Variants in CSGALNACT1 observed in about 807,000 individuals in gnomAD.
CSGALNACT1 encodes beta4GalNAcT-1.
A neutral mutation model predicts 51.0 loss-of-function variants in CSGALNACT1; 52 were observed. The ratio of observed to expected loss-of-function variants is 1.02; its 90% confidence interval spans 0.82 to 1.29. The LOEUF (loss-of-function observed/expected upper bound fraction) is 1.29. Among genes scored for constraint, CSGALNACT1 ranks in the 50% most tolerant of loss-of-function variants. The pLI is 0.00. For synonymous variants in CSGALNACT1, 341 were observed against 254.4 expected (o/e 1.34, Z -3.24); for missense variants, 935 against 679.2 (o/e 1.38, Z -4.19).
chr8:19,608,580 G>C (rs1019012552), intron 1 of CSGALNACT1, among the ~76,000 whole-genome samples: 1 of 152,222 alleles, frequency 6.6e-6, no homozygotes, highest in Non-Finnish European at 1.5e-5. Flanking sequence ...TACTGGCTCA[G>C]TTTTTAAAAT....
chr8:19,545,443 C>G (rs1378851652), intron 3 of CSGALNACT1, among the ~76,000 whole-genome samples: 1 of 152,126 alleles, frequency 6.6e-6, no homozygotes, highest in African/African-American at 2.4e-5. Flanking sequence ...TAACTTTTGT[C>G]TTTGATAATA....
At chr8:19,484,856 G>C (rs2072457275) in intron 4 of CSGALNACT1, among the ~76,000 whole-genome samples, 1 of 152,084 alleles carries the variant, frequency 6.6e-6, no homozygotes, top group African/African-American at 2.4e-5. Flanking sequence ...AGGACATTTG[G>C]ACACACAGGA....
intron 1 of CSGALNACT1, among the ~76,000 whole-genome samples, chr8:19,646,944 C>G (rs567011167): frequency 6.6e-6 from 1 of 150,886 alleles, no homozygotes; most frequent in African/African-American, 2.4e-5. Flanking sequence ...TTTTGGTGCT[C>G]AGCTCTACAC....
chr8:19,524,225 T>G (rs761121079), intron 3 of CSGALNACT1, among the ~76,000 whole-genome samples: 1 of 152,034 alleles, frequency 6.6e-6, no homozygotes, highest in East Asian at 1.9e-4. Context: ...AGGAGTTCAA[T>G]GCTACAGCAA....
intron 1 of CSGALNACT1, among the ~76,000 whole-genome samples, chr8:19,714,526 G>T (rs556363313): frequency 6.6e-6 from 1 of 152,054 alleles, no homozygotes; most frequent in African/African-American, 2.4e-5. Flanking sequence ...TTACCCCAGA[G>T]CTCTGAGGCG....
intron 3 of CSGALNACT1, among the ~76,000 whole-genome samples, chr8:19,507,261 A>G (rs1388869517): frequency 6.6e-6 from 1 of 152,174 alleles, no homozygotes; most frequent in Non-Finnish European, 1.5e-5. Flanking sequence ...AATCCCAGTT[A>G]TATCTCTGCT....
intron 1 of CSGALNACT1, among the ~76,000 whole-genome samples, chr8:19,756,616 C>A (rs2065395750): frequency 6.6e-6 from 1 of 151,628 alleles, no homozygotes; most frequent in African/African-American, 2.4e-5. Context: ...ACAGCTTCTG[C>A]CCACCGATCG....
intron 5 of CSGALNACT1, among the ~76,000 whole-genome samples, chr8:19,450,196 G>A (rs1163774037): frequency 8.5e-4 from 63 of 73,810 alleles, no homozygotes; most frequent in Non-Finnish European, 1.6e-3. Flanking sequence ...GGGAGAGGGG[G>A]AGGGGAGAAA....
chr8:19,697,408 A>C (rs575517679), intron 1 of CSGALNACT1, among the ~76,000 whole-genome samples: 1 of 152,152 alleles, frequency 6.6e-6, no homozygotes, highest in Non-Finnish European at 1.5e-5. Context: ...CAGGCAGAAG[A>C]ACAGTACGGG....
chr8:19,500,511 A>G (rs1480479317), intron 4 of CSGALNACT1, among the ~76,000 whole-genome samples: 1 of 152,170 alleles, frequency 6.6e-6, no homozygotes, highest in Non-Finnish European at 1.5e-5. Flanking sequence ...CCTGTCCGCT[A>G]ACATCCCCAG....
chr8:19,700,127 A>G lies in CSGALNACT1; in HGVS notation c.-297+57723T>C, dbSNP rs77588520. ...ACTCCGTCTCAAAAAAAAAAAAAAG[A>G]AAAAAAAAAACTTAGGTAAGTATTA... On this transcript the variant is annotated intron_variant, in intron 1 of 1. Coordinates refer to the CSGALNACT1 transcript ENST00000517494. Among the ~76,000 whole-genome samples, 87 of 11,752 alleles carry G rather than the reference A, an allele frequency of 7.4e-3. No individual in the cohort carries two copies. In the East Asian group the frequency reaches 0.13, roughly 18 times the overall value. 7.7% of individuals were successfully genotyped at this position (11,752 alleles called of 152,430 possible). A position where few individuals can be genotyped will look rare whatever the true frequency, so the allele number is the denominator to read the frequency against.
intron 3 of CSGALNACT1, among the ~76,000 whole-genome samples, chr8:19,507,009 C>G (rs974386129): frequency 2.0e-5 from 3 of 152,214 alleles, no homozygotes; most frequent in African/African-American, 7.2e-5. Flanking sequence ...TCACTTAGAG[C>G]AGGCCTGAAA....
At chr8:19,561,457 T>C (rs2040698895) in intron 3 of CSGALNACT1, among the ~76,000 whole-genome samples, 3 of 152,308 alleles carry the variant, frequency 2.0e-5, no homozygotes, top group South Asian at 4.1e-4. Context: ...TTGTTTCCTA[T>C]GTATGAGTCC....
At chr8:19,629,891 G>A (rs1021008635) in intron 1 of CSGALNACT1, among the ~76,000 whole-genome samples, 6 of 152,160 alleles carry the variant, frequency 3.9e-5, no homozygotes, top group South Asian at 2.1e-4. Context: ...GAGTAAGCAC[G>A]TGAGTCTCAT....
At chr8:19,415,961 G>A (rs1055342314) in intron 8 of CSGALNACT1, among the ~76,000 whole-genome samples, 2 of 152,092 alleles carry the variant, frequency 1.3e-5, no homozygotes, top group African/African-American at 4.8e-5. Context: ...AAAAGGTACA[G>A]GAAAAATCTG....
chr8:19,640,023 C>A (rs575092730), intron 1 of CSGALNACT1, among the ~76,000 whole-genome samples: 2 of 152,108 alleles, frequency 1.3e-5, no homozygotes, highest in East Asian at 3.9e-4. Flanking sequence ...GCTGGGACTA[C>A]AGGCGCACCA....
chr8:19,463,468 AT>A (rs965508165), intron 4 of CSGALNACT1, among the ~76,000 whole-genome samples: 44 of 152,152 alleles, frequency 2.9e-4, no homozygotes, highest in Non-Finnish European at 6.3e-4. Flanking sequence ...GGAGCTCTTT[AT>A]TGGTGGAAAC....
chr8:19,616,698 C>T (rs765701721), intron 1 of CSGALNACT1, among the ~76,000 whole-genome samples: 2 of 152,140 alleles, frequency 1.3e-5, no homozygotes, highest in East Asian at 1.9e-4. Flanking sequence ...CTCTCTCTCT[C>T]GCTTCTACTC....
At chr8:19,552,106 A>T (rs1245156508) in intron 3 of CSGALNACT1, among the ~76,000 whole-genome samples, 1 of 152,332 alleles carries the variant, frequency 6.6e-6, no homozygotes, top group East Asian at 1.9e-4. Flanking sequence ...TAGTAATTAG[A>T]GGATTTGGAA....
Sources: gnomAD v4.1 joint callset for allele counts (sites outside exome capture counted in the v4.1 genomes callset) on GRCh38, gnomAD v4.1.1 for gene constraint, MANE v1.5 for transcripts, NCBI Gene and HGNC (gene_info 2026-07-23, HGNC 2026-07-21) for gene names.